The following NIBAN1 variants were observed in gnomAD, a reference collection of about 807,000 sequenced individuals.
NIBAN1 encodes protein Niban 1.
Under a neutral mutation model 75.1 loss-of-function variants are expected in NIBAN1, and 81 were observed. The observed-to-expected ratio is 1.08, with a 90% CI of 0.90 to 1.30. The LOEUF is 1.30. NIBAN1 is among the 50% of genes most tolerant of loss of function. The pLI, the probability that NIBAN1 is intolerant of heterozygous loss-of-function variation, is 0.00. For synonymous variants in NIBAN1, 436 were observed against 424.8 expected, an observed-to-expected ratio of 1.03 and a Z score of -0.32; for missense variants, 1,133 against 1,128.1, an observed-to-expected ratio of 1.00 and a Z score of -0.06.
At chr1:184,815,034 T>G (rs1406567862) in intron 9 of NIBAN1, among the ~76,000 whole-genome samples, 2 of 152,208 alleles carry the variant, frequency 1.3e-5, no homozygotes, top group African/African-American at 4.8e-5. Context: ...GTGGAAACAG[T>G]TTAGAACCAA....
intron 5 of NIBAN1, among the ~76,000 whole-genome samples, chr1:184,840,929 A>T (rs1429873920): frequency 6.6e-6 from 1 of 150,586 alleles, no homozygotes; most frequent in Admixed American, 6.7e-5. Context: ...GCCTTAAAAC[A>T]TGTTCAATTA....
At chr1:184,802,394 G>GA (rs10710268) in intron 12 of NIBAN1, among the ~76,000 whole-genome samples, 41 of 149,856 alleles carry the variant, frequency 2.7e-4, no homozygotes, top group African/African-American at 5.6e-4. Flanking sequence ...CTTTGTGATT[G>GA]AAAAAAAAAA....
chr1:184,822,502 G>T (rs1054427351), intron 8 of NIBAN1, among the ~76,000 whole-genome samples: 7 of 152,190 alleles, frequency 4.6e-5, no homozygotes, highest in African/African-American at 1.7e-4. Flanking sequence ...ACAAAAACAG[G>T]TGGTGGCCCA....
intron 5 of NIBAN1, among the ~76,000 whole-genome samples, chr1:184,873,598 G>A (rs1359547469): frequency 1.3e-5 from 2 of 152,176 alleles, no homozygotes; most frequent in East Asian, 1.9e-4. Flanking sequence ...CCACTAGATT[G>A]CCCAGAGTTC....
intron 1 of NIBAN1, among the ~76,000 whole-genome samples, chr1:184,939,527 T>G (rs1043411233): frequency 6.6e-6 from 1 of 152,200 alleles, no homozygotes; most frequent in Non-Finnish European, 1.5e-5. Context: ...TTTAGTTCCC[T>G]TTCTGGAATT....
intron 6 of NIBAN1, among the ~76,000 whole-genome samples, chr1:184,828,844 C>T (rs111487164): frequency 3.0e-4 from 45 of 151,724 alleles, no homozygotes; most frequent in Non-Finnish European, 6.0e-4. Context: ...CTCTCTGTTG[C>T]CCAGTGTAGT....
chr1:184,812,896 A>G (rs1428305131), intron 9 of NIBAN1, among the ~76,000 whole-genome samples: 1 of 152,180 alleles, frequency 6.6e-6, no homozygotes, highest in Non-Finnish European at 1.5e-5. Context: ...GGACTATCTT[A>G]AATTTTCCTT....
chr1:184,974,182 G>T (rs1192062418), intron 1 of NIBAN1, 120 bp downstream of exon 1: 3 of 1,056,704 alleles, frequency 2.8e-6, no homozygotes, highest in Non-Finnish European at 3.7e-6. Flanking sequence ...GGCTGCGGTC[G>T]GGGATCCCCG....
intron 5 of NIBAN1, among the ~76,000 whole-genome samples, chr1:184,863,017 C>T (rs1004005180): frequency 6.6e-6 from 1 of 152,072 alleles, no homozygotes; most frequent in Non-Finnish European, 1.5e-5. Flanking sequence ...TCCGGAGGCA[C>T]CCCTGTGTGT....
At chr1:184,870,692 G>A (rs593294) in intron 5 of NIBAN1, among the ~76,000 whole-genome samples, 64,433 of 151,944 alleles carry the variant, frequency 0.42, 13,812 homozygotes, top group East Asian at 0.53. Flanking sequence ...AACTGCCTTA[G>A]TGACAGTTAA....
At position 184,795,589 on chromosome 1, in the gene NIBAN1, G is replaced by T; in HGVS notation, c.2175C>A (p.Asp725Glu). The change falls in exon 14 of 14, where the codon GAC (aspartate) becomes GAA (glutamate). Residue 725 changes from aspartate (D) to glutamate (E), a missense_variant. Transcript: ENST00000367511. Reference protein sequence around the residue: ...LLTASVEVPVDSAPVMEEDTN... With the variant: ...LLTASVEVPVESAPVMEEDTN... ...TATCTTCTTCCATCACTGGAGCAGA[G>T]TCCACTGGTACTTCCACGGACGCTG... 6.2e-7 allele frequency: 1 copy of T among 1,614,168 alleles called. No individual in the cohort carries two copies. The highest frequency in any genetic ancestry group is 1.6e-4 in the Middle Eastern group (1 of 6,062).
chr1:184,870,067 G>A (rs1656062405), intron 5 of NIBAN1, among the ~76,000 whole-genome samples: 1 of 152,218 alleles, frequency 6.6e-6, no homozygotes. Context: ...TTTCCTCAGA[G>A]ATTCTAATTC....
intron 1 of NIBAN1, among the ~76,000 whole-genome samples, chr1:184,922,399 C>T (rs1431706177): frequency 1.3e-5 from 2 of 152,112 alleles, no homozygotes; most frequent in Non-Finnish European, 2.9e-5. Flanking sequence ...TCACCCACTA[C>T]TCTTTCCAGC....
intron 6 of NIBAN1, among the ~76,000 whole-genome samples, chr1:184,829,537 G>C (rs1014058562): frequency 6.8e-6 from 1 of 146,806 alleles, no homozygotes; most frequent in South Asian, 2.1e-4. Flanking sequence ...CATGATCTTG[G>C]CTCACTGCAA....
chr1:184,890,234 A>C lies in NIBAN1; in HGVS notation c.319-12T>G. On this transcript the variant is annotated splice_polypyrimidine_tract_variant and intron_variant, in intron 3 of 13. Transcript: ENST00000367511. ...CCTCTCTGATAGGCCTGGGGAGGGA[A>C]AGGCACACAGGAATGATATCTTTTT... 2 of 1,581,934 alleles carry C rather than the reference A, an allele frequency of 1.3e-6. No homozygotes were observed. The highest frequency in any genetic ancestry group is 3.3e-5 in the Admixed American group (2 of 59,930).
rs182109157 is a variant in NIBAN1 at position 184,958,347 on chromosome 1, C to T, written c.55+15955G>A. 1.2e-3 allele frequency among the ~76,000 whole-genome samples: 176 copies of T among 143,104 alleles called. 2 individuals are homozygous for T. Among genetic ancestry groups the T allele is most frequent in the African/African-American group, 4.5e-3 (170 of 37,978 alleles). 93.9% of individuals were successfully genotyped at this position (143,104 alleles called of 152,430 possible). On this transcript the variant is annotated intron_variant, in intron 1 of 13. Transcript: ENST00000367511. Reference sequence around the variant, plus strand: ...CCAAGATCACACCACTGCACTCCAGCTTGTGTGACAGAGGAGTCACACACA... The same window carrying T: ...CCAAGATCACACCACTGCACTCCAGTTTGTGTGACAGAGGAGTCACACACA...
chr1:184,901,695 T>C (rs2101991811), intron 1 of NIBAN1, among the ~76,000 whole-genome samples: 1 of 152,314 alleles, frequency 6.6e-6, no homozygotes, highest in East Asian at 1.9e-4. Flanking sequence ...TATGATGAAC[T>C]CTATAAAGCT....
chr1:184,818,720 T>G lies in NIBAN1; in HGVS notation c.1091A>C (p.Glu364Ala). 1.2e-6 allele frequency: 2 copies of G among 1,613,670 alleles called. No homozygotes were observed. Among genetic ancestry groups the G allele is most frequent in the Non-Finnish European group, 8.5e-7 (1 of 1,179,610 alleles). The change falls in exon 9 of 14, where the codon GAA becomes GCA. Residue 364 changes from glutamate to alanine, a missense_variant. Glu to Ala is a moderately radical substitution (Grantham distance 107, BLOSUM62 -1). Transcript: ENST00000367511. ...CTCTTTCTCAAAGAGTACACGTACT[T>G]CACTGAATCCCGAGCTCACTGGTCC... ...LMGPVSSGFS[E>A]VRVLFEKEVN...
At chr1:184,799,910 T>A (rs1653986036) in intron 12 of NIBAN1, among the ~76,000 whole-genome samples, 1 of 98,420 alleles carries the variant, frequency 1.0e-5, no homozygotes, top group Non-Finnish European at 1.9e-5. Flanking sequence ...CACGCCCAGC[T>A]AATTTTTTGT....
Sources: allele counts gnomAD v4.1 joint callset (sites outside exome capture counted in the v4.1 genomes callset), GRCh38; gene constraint gnomAD v4.1.1; transcripts MANE v1.5; gene names NCBI Gene and HGNC (gene_info 2026-07-23, HGNC 2026-07-21).